UEVLD: variants seen among roughly 807,000 people sequenced by gnomAD.
UEVLD encodes the protein ubiquitin-conjugating enzyme E2 variant 3.
In UEVLD, 47 loss-of-function variants were observed where a neutral mutation model predicts 58.6. The ratio of observed to expected loss-of-function variants is 0.80; its 90% confidence interval spans 0.63 to 1.02. The LOEUF is 1.02. Among genes scored for constraint, UEVLD ranks in the 50% least tolerant of loss-of-function variants. The probability of loss-of-function intolerance (pLI) is 0.00; values close to 1 mark genes in which losing one functional copy is unlikely to be tolerated. For missense variants in UEVLD, 510 were observed against 550.6 expected, an observed-to-expected ratio of 0.93 and a Z score of 0.74; for synonymous variants, 197 against 195.3, an observed-to-expected ratio of 1.01 and a Z score of -0.07.
chr11:18,560,269 C>T (rs946562596), intron 6 of UEVLD, among the ~76,000 whole-genome samples: 3 of 152,014 alleles, frequency 2.0e-5, no homozygotes, highest in African/African-American at 7.2e-5. Context: ...ATATAGTAAT[C>T]CCCTCTAAAA....
chr11:18,580,760 A>G (rs1454908912), intron 1 of UEVLD, among the ~76,000 whole-genome samples: 7 of 152,226 alleles, frequency 4.6e-5, no homozygotes, highest in Non-Finnish European at 1.0e-4. Flanking sequence ...ATAGAAACAC[A>G]AAGTAGACTA....
chr11:18,559,782 T>C (rs938167665), intron 6 of UEVLD, among the ~76,000 whole-genome samples: 1 of 152,048 alleles, frequency 6.6e-6, no homozygotes, highest in Non-Finnish European at 1.5e-5. Context: ...TGCCTGTAAA[T>C]AGGGCGGCAC....
intron 7 of UEVLD, among the ~76,000 whole-genome samples, chr11:18,557,781 G>A (rs1274361077): frequency 6.6e-6 from 1 of 151,962 alleles, no homozygotes; most frequent in Non-Finnish European, 1.5e-5. Context: ...CAAAAGGTAG[G>A]TATTATTTCT....
intron 1 of UEVLD, among the ~76,000 whole-genome samples, chr11:18,584,001 G>A (rs1019355591): frequency 3.9e-5 from 6 of 152,076 alleles, no homozygotes; most frequent in South Asian, 2.1e-4. Flanking sequence ...TTGCCTCTCC[G>A]AGGTAACTCA....
intron 4 of UEVLD, among the ~76,000 whole-genome samples, chr11:18,569,057 G>A (rs1330068396): frequency 6.6e-6 from 1 of 151,950 alleles, no homozygotes; most frequent in Non-Finnish European, 1.5e-5. Context: ...ACCACGCCTG[G>A]CTTATTTTTT....
intron 3 of UEVLD, among the ~76,000 whole-genome samples, chr11:18,572,930 T>C (rs1441960851): frequency 6.6e-6 from 1 of 152,102 alleles, no homozygotes; most frequent in Non-Finnish European, 1.5e-5. Context: ...GCCTTACAAC[T>C]CTGAGGTGGG....
Position 18,544,765 on chromosome 11 carries a change from C to T in UEVLD, c.918G>A (p.Leu306=). 1 of 1,565,382 alleles carries T rather than the reference C, an allele frequency of 6.4e-7. No individual in the cohort carries two copies. The highest frequency in any genetic ancestry group is 8.6e-7 in the Non-Finnish European group (1 of 1,163,354). Residue 306 remains leucine (L), a synonymous_variant, in exon 9 of 12, where the codon CTG becomes CTA. Transcript: ENST00000396197. ...VEIMTYVTWK[L]STFPANRVIG... ...TCACTCGATTTGCAGGAAATGTACT[C>T]AGTTTCCATGTTACATAGGTCATGA... is the stretch of plus-strand genomic sequence containing the variant.
intron 1 of UEVLD, among the ~76,000 whole-genome samples, chr11:18,583,419 G>A (rs752461106): frequency 6.8e-5 from 10 of 147,316 alleles, no homozygotes; most frequent in African/African-American, 1.3e-4. Flanking sequence ...GGGTTTCATC[G>A]TGTTGGCCAG....
chr11:18,588,568 C>G (rs764907197), intron 1 of UEVLD, 45 bp downstream of exon 1: 14 of 1,602,110 alleles, frequency 8.7e-6, no homozygotes, highest in Admixed American at 6.8e-5. Flanking sequence ...AGGCACCCCC[C>G]GCAAGACCCT....
At chr11:18,556,628 C>A (rs1362606884) in intron 7 of UEVLD, among the ~76,000 whole-genome samples, 1 of 152,124 alleles carries the variant, frequency 6.6e-6, no homozygotes, top group Non-Finnish European at 1.5e-5. Flanking sequence ...GGTAGAAAGG[C>A]TTTAGGAAAT....
chr11:18,568,669 G>A (rs1284179602), intron 4 of UEVLD, among the ~76,000 whole-genome samples: 6 of 151,956 alleles, frequency 3.9e-5, no homozygotes, highest in Admixed American at 6.6e-5. Context: ...CTGATAATCC[G>A]AAGTATGTCC....
At chr11:18,559,475 A>C (rs967262455) in intron 6 of UEVLD, among the ~76,000 whole-genome samples, 4 of 152,202 alleles carry the variant, frequency 2.6e-5, no homozygotes, top group Admixed American at 2.6e-4. Flanking sequence ...CTGGGATTAC[A>C]GGCATGAGCC....
chr11:18,550,196 G>A (rs1438196373), intron 7 of UEVLD, among the ~76,000 whole-genome samples: 6 of 151,960 alleles, frequency 3.9e-5, no homozygotes, highest in African/African-American at 9.7e-5. Flanking sequence ...CTATGTTGCC[G>A]AGGCTGGATT....
Position 18,564,910 on chromosome 11 carries a change from T to C in UEVLD, c.594A>G (p.Thr198=). 1 of 1,611,638 alleles carries C rather than the reference T, an allele frequency of 6.2e-7. No individual in the cohort carries two copies. Among genetic ancestry groups the C allele is most frequent in the Non-Finnish European group, 8.5e-7 (1 of 1,178,402 alleles). The change falls in exon 6 of 12, where the codon ACA becomes ACG. Residue 198 remains threonine, a synonymous_variant. Coordinates refer to ENST00000396197, the MANE Select transcript of UEVLD (RefSeq NM_001040697.4). Reference sequence around the variant, plus strand: ...TACATACCTTTGCTGAAATTGCTAATGTGCAGGCAATACCGAGTTCTCCAC... The same window carrying C: ...TACATACCTTTGCTGAAATTGCTAACGTGCAGGCAATACCGAGTTCTCCAC... The part of the protein sequence containing the change: ...VGGGELGIAC[T]LAISAKGIAD...
At chr11:18,573,517 AG>A (rs980267856) in intron 3 of UEVLD, among the ~76,000 whole-genome samples, 9 of 152,208 alleles carry the variant, frequency 5.9e-5, no homozygotes, top group Non-Finnish European at 1.5e-5. Context: ...AAAGCTTGGC[AG>A]GGAAGACCAA....
At chr11:18,564,837 T>C (rs1238285419) in intron 6 of UEVLD, 55 bp downstream of exon 6, 2 of 1,275,194 alleles carry the variant, frequency 1.6e-6, no homozygotes, top group East Asian at 2.5e-5. Context: ...AAACACAACC[T>C]GCCTAGAAGT....
chr11:18,545,767 T>C (rs1851281637), intron 8 of UEVLD, among the ~76,000 whole-genome samples: 1 of 152,146 alleles, frequency 6.6e-6, no homozygotes. Flanking sequence ...TAAATATAAA[T>C]TGTCAGGGGT....
chr11:18,567,262 G>A (rs1194703700), intron 4 of UEVLD, among the ~76,000 whole-genome samples: 2 of 152,112 alleles, frequency 1.3e-5, no homozygotes, highest in African/African-American at 2.4e-5. Context: ...GAGCTTCAGT[G>A]TCATCAGTAA....
chr11:18,555,471 C>T (rs1025519845), intron 7 of UEVLD, among the ~76,000 whole-genome samples: 1 of 151,784 alleles, frequency 6.6e-6, no homozygotes, highest in Non-Finnish European at 1.5e-5. Flanking sequence ...GCCTGTGGTC[C>T]CAGCTACTTG....
Sources: gnomAD v4.1 joint callset for allele counts (sites outside exome capture counted in the v4.1 genomes callset) on GRCh38, gnomAD v4.1.1 for gene constraint, MANE v1.5 for transcripts, NCBI Gene and HGNC (gene_info 2026-07-23, HGNC 2026-07-21) for gene names.